The following CTBS variants were observed in gnomAD, a reference collection of about 807,000 sequenced individuals.
The protein encoded by CTBS is chitobiase, also known as di-N-acetylchitobiase.
In CTBS, 35 loss-of-function variants were observed where a neutral mutation model predicts 44.3. The ratio of observed to expected loss-of-function variants is 0.79; its 90% CI spans 0.60 to 1.05. CTBS has a LOEUF of 1.05. CTBS is among the 50% of genes least tolerant of loss of function. The pLI is 0.00. For synonymous variants in CTBS, 143 were observed against 168.0 expected (o/e 0.85, Z 1.15); for missense variants, 458 against 475.3 (o/e 0.96, Z 0.34).
Position 84,551,352 on chromosome 1 carries a change from C to T in CTBS, c.*3647G>A. ...GAAAAAAGAAAATCAGTACTGTCCT[C>T]GGTTTCAGATAAAAATAAAAATAAA... On this transcript the variant is annotated 3_prime_UTR_variant, in exon 7 of 7. Transcript: ENST00000370630. 1 of 825,386 alleles carries T rather than the reference C, an allele frequency of 1.2e-6. No individual in the cohort carries two copies. Among genetic ancestry groups the T allele is most frequent in the Non-Finnish European group, 1.5e-6 (1 of 684,630 alleles). The allele number at this position is 825,386 out of a possible 1,614,324, so 51.1% of individuals were successfully genotyped here.
intron 3 of CTBS, among the ~76,000 whole-genome samples, chr1:84,569,419 T>C (rs894068312): frequency 2.0e-5 from 3 of 152,226 alleles, no homozygotes; most frequent in Non-Finnish European, 2.9e-5. Flanking sequence ...TCTGGCAAGA[T>C]AGCTTGTGTT....
intron 6 of CTBS, among the ~76,000 whole-genome samples, chr1:84,559,091 A>G (rs932150620): frequency 5.3e-5 from 8 of 152,174 alleles, no homozygotes; most frequent in South Asian, 2.1e-4. Flanking sequence ...CTTTGCAGAC[A>G]TTAAATTTTT....
In CTBS at chr1:84,551,784, A is replaced by G. The variant is rs1341018010; in HGVS notation, c.*3215T>C. ...TTTGTTCAATGAAGGAAAACTGTCT[A>G]TTCAATATATGGAGATAAAGCCAAT... On this transcript the variant is annotated 3_prime_UTR_variant, in exon 7 of 7. Coordinates refer to ENST00000370630, the MANE Select transcript of CTBS (RefSeq NM_004388.3). 1 of 152,154 alleles carries G rather than the reference A, an allele frequency of 6.6e-6. No individual in the cohort carries two copies. The highest frequency in any genetic ancestry group is 1.5e-5 in the Non-Finnish European group (1 of 68,014). 9.4% of individuals were successfully genotyped at this position (152,154 alleles called of 1,614,324 possible).
intron 6 of CTBS, among the ~76,000 whole-genome samples, chr1:84,560,407 T>G (rs1359099208): frequency 6.6e-6 from 1 of 152,212 alleles, no homozygotes; most frequent in Non-Finnish European, 1.5e-5. Flanking sequence ...TCAGTCTGTT[T>G]GCATTAGCTC....
chr1:84,574,020 G>T, intron 1 of CTBS: 1 of 1,397,646 alleles, frequency 7.2e-7, no homozygotes, highest in Non-Finnish European at 9.3e-7. Context: ...GCCTGCCTAC[G>T]CAGGCACTTA....
chr1:84,555,007 G>T lies in CTBS; in HGVS notation c.1150C>A (p.Gln384Lys). 2 of 1,613,176 alleles carry T rather than the reference G, an allele frequency of 1.2e-6. No individual in the cohort carries two copies. Among genetic ancestry groups the T allele is most frequent in the Non-Finnish European group, 1.7e-6 (2 of 1,179,398 alleles). ...GGTTTGACAAAAGATGTTCATCTCT[G>T]TAACAGCTTTGGCTTTAAGACTTCC... ...MWEVLKPKLL[Q>K]R Residue 384 changes from glutamine to lysine, a missense_variant, in exon 7 of 7, where the codon CAG becomes AAG. By Grantham distance (53) the Gln-to-Lys change is moderately conservative. Coordinates refer to ENST00000370630, the MANE Select transcript of CTBS (RefSeq NM_004388.3).
intron 6 of CTBS, among the ~76,000 whole-genome samples, chr1:84,562,769 A>G (rs1264138193): frequency 6.6e-6 from 1 of 152,196 alleles, no homozygotes; most frequent in Non-Finnish European, 1.5e-5. Context: ...ATTGCTTTAT[A>G]ATTTAATTAT....
intron 6 of CTBS, among the ~76,000 whole-genome samples, chr1:84,557,564 AAAAG>A (rs1174296520): frequency 1.3e-5 from 2 of 150,046 alleles, no homozygotes; most frequent in Non-Finnish European, 3.0e-5. Flanking sequence ...GAAAAAAAAA[AAAAG>A]AAGGAGGCTG....
Position 84,559,604 on chromosome 1 carries a change from G to A in CTBS, c.957+3653C>T, listed in dbSNP as rs148685855. On this transcript the variant is annotated intron_variant, in intron 6 of 6. Coordinates refer to ENST00000370630, the MANE Select transcript of CTBS (RefSeq NM_004388.3). The stretch of plus-strand genomic sequence containing the variant: ...GCCACTGCACTCCAGCCTGGGTGAC[G>A]GAGCGATACTCCATCTCAGAAAAAA... Among the ~76,000 whole-genome samples the A allele has an allele frequency of 3.3e-3, 506 of 151,176 alleles. 2 individuals carry two copies. The highest frequency in any genetic ancestry group is 0.011 in the African/African-American group (469 of 41,142).
chr1:84,568,654 T>C (rs1249981399), intron 3 of CTBS, among the ~76,000 whole-genome samples: 1 of 152,154 alleles, frequency 6.6e-6, no homozygotes, highest in African/African-American at 2.4e-5. Context: ...CGCCCAAATC[T>C]CATGTTGAAT....
chr1:84,561,596 T>C (rs1380794980), intron 6 of CTBS, among the ~76,000 whole-genome samples: 2 of 152,198 alleles, frequency 1.3e-5, no homozygotes, highest in African/African-American at 2.4e-5. Context: ...TAGCATCACG[T>C]TTTACACAGA....
rs970153721 is a variant in CTBS at position 84,551,499 on chromosome 1, T to C, written c.*3500A>G. ...CTAGCCACCTATTGATATTGAGCACTTGAAATGTAGTTTGTGTGACTGAGG... is the reference window on the plus strand; with the variant it reads ...CTAGCCACCTATTGATATTGAGCACCTGAAATGTAGTTTGTGTGACTGAGG... On this transcript the variant is annotated 3_prime_UTR_variant, in exon 7 of 7. Coordinates refer to ENST00000370630, the MANE Select transcript of CTBS (RefSeq NM_004388.3). The C allele has an allele frequency of 3.1e-5, 5 of 162,866 alleles. No individual in the cohort carries two copies. The highest frequency in any genetic ancestry group is 1.3e-4 in the Admixed American group (2 of 15,270). The allele number at this position is 162,866 out of a possible 1,614,324, so 10.1% of individuals were successfully genotyped here. A position where few individuals can be genotyped will look rare whatever the true frequency, so the allele number is the denominator to read the frequency against.
chr1:84,569,891 T>C lies in CTBS; in HGVS notation c.525+40A>G, dbSNP rs764805275. The C allele has an allele frequency of 6.7e-6, 10 of 1,489,996 alleles. No homozygotes were observed. In the South Asian group the frequency reaches 6.9e-5, roughly 10 times the overall value. The allele number at this position is 1,489,996 out of a possible 1,614,324, so 92.3% of individuals were successfully genotyped here. ...ATACCCTCATGAGTATATTCTGATA[T>C]GGAAAATATGAGGTTTCCAAAAAAT... On this transcript the variant is annotated intron_variant, in intron 3 of 6. Coordinates refer to ENST00000370630, the MANE Select transcript of CTBS (RefSeq NM_004388.3).
At chr1:84,571,899 A>G (rs1310475835) in intron 1 of CTBS, among the ~76,000 whole-genome samples, 2 of 152,226 alleles carry the variant, frequency 1.3e-5, no homozygotes, top group African/African-American at 4.8e-5. Flanking sequence ...AACTGAGGGA[A>G]GGGAAAGCCC....
chr1:84,558,198 T>C (rs529747185), intron 6 of CTBS, among the ~76,000 whole-genome samples: 1 of 152,356 alleles, frequency 6.6e-6, no homozygotes, highest in South Asian at 2.1e-4. Context: ...AATACATATG[T>C]TAAATAACTT....
rs1182077972 is a variant in CTBS at position 84,551,916 on chromosome 1, T to C, written c.*3083A>G. ...TCATGCTGTTTTCTTCTGGAAAGCATGCACATTACTTGTAATCTTTGTATA... is the reference window on the plus strand; with the variant it reads ...TCATGCTGTTTTCTTCTGGAAAGCACGCACATTACTTGTAATCTTTGTATA... On this transcript the variant is annotated 3_prime_UTR_variant, in exon 7 of 7. Transcript: ENST00000370630. 1 of 152,144 alleles carries C rather than the reference T, an allele frequency of 6.6e-6. No individual in the cohort carries two copies. The highest frequency in any genetic ancestry group is 1.5e-5 in the Non-Finnish European group (1 of 68,004). The allele number at this position is 152,144 out of a possible 1,614,324, so 9.4% of individuals were successfully genotyped here.
At chr1:84,563,854 A>G (rs749774713) in intron 4 of CTBS, 22 bp from the exon 5 acceptor site, 2 of 1,593,976 alleles carry the variant, frequency 1.3e-6, no homozygotes, top group Admixed American at 3.5e-5. Context: ...GGAGAGAAAA[A>G]GCATATTTGT....
At chr1:84,566,648 G>T (rs747411741) in intron 3 of CTBS, among the ~76,000 whole-genome samples, 4 of 151,868 alleles carry the variant, frequency 2.6e-5, no homozygotes, top group African/African-American at 4.8e-5. Flanking sequence ...TTCTTTTTTG[G>T]GGGGGATGGA....
chr1:84,570,655 CACAGTTGTA>C lies in CTBS; in HGVS notation c.234_242del (p.Ile78_Val81delinsMet). The stretch of plus-strand genomic sequence containing the variant: ...CTGAGTCATATTTTCCAAATGTTGC[CACAGTTGTA>C]ATCTGTGACCAATCATAAGATTTCC... On this transcript the variant is annotated inframe_deletion, in exon 2 of 7. Transcript: ENST00000370630. 1 of 1,613,882 alleles carries C rather than the reference CACAGTTGTA, an allele frequency of 6.2e-7. No individual in the cohort carries two copies. The highest frequency in any genetic ancestry group is 1.3e-5 in the African/African-American group (1 of 75,006).
Sources: allele counts gnomAD v4.1 joint callset (sites outside exome capture counted in the v4.1 genomes callset), GRCh38; gene constraint gnomAD v4.1.1; transcripts MANE v1.5; gene names NCBI Gene and HGNC (gene_info 2026-07-23, HGNC 2026-07-21).